RBFOX1: variants seen among roughly 807,000 people sequenced by gnomAD.
RBFOX1 encodes RNA binding fox-1 homolog 1.
Under a neutral mutation model 57.7 loss-of-function variants are expected in RBFOX1, and 8 were observed. That is an observed-to-expected ratio of 0.14 (90% CI 0.08 to 0.25). The LOEUF (loss-of-function observed/expected upper bound fraction) is 0.25. Ranked by LOEUF, RBFOX1 falls within the 10% of genes least tolerant of loss-of-function variation. The pLI, the probability that RBFOX1 is intolerant of heterozygous loss-of-function variation, is 1.00. For missense variants in RBFOX1, 611 were observed against 548.5 expected, an observed-to-expected ratio of 1.11 and a Z score of -1.14; for synonymous variants, 326 against 222.4, an observed-to-expected ratio of 1.47 and a Z score of -4.15.
intron 3 of RBFOX1, among the ~76,000 whole-genome samples, chr16:5,840,424 G>T (rs979776732): frequency 6.6e-6 from 1 of 152,192 alleles, no homozygotes; most frequent in Non-Finnish European, 1.5e-5. Flanking sequence ...GTGCCCCAGA[G>T]GATGCTGTGC....
chr16:7,332,314 T>A (rs1007292286), intron 4 of RBFOX1, among the ~76,000 whole-genome samples: 1 of 152,224 alleles, frequency 6.6e-6, no homozygotes, highest in African/African-American at 2.4e-5. Flanking sequence ...CACGTGTAAA[T>A]AATTTAACTC....
At chr16:5,851,207 C>A (rs545002284) in intron 3 of RBFOX1, among the ~76,000 whole-genome samples, 2 of 152,160 alleles carry the variant, frequency 1.3e-5, no homozygotes, top group Admixed American at 1.3e-4. Flanking sequence ...CATGGTTGTA[C>A]CTTGTATTCC....
At chr16:7,037,476 T>G (rs1285672108) in intron 3 of RBFOX1, among the ~76,000 whole-genome samples, 1 of 152,134 alleles carries the variant, frequency 6.6e-6, no homozygotes, top group Non-Finnish European at 1.5e-5. Context: ...CTGACAATTG[T>G]GATGCTGTCT....
At chr16:7,334,158 G>GT (rs1255926393) in intron 4 of RBFOX1, among the ~76,000 whole-genome samples, 1 of 152,058 alleles carries the variant, frequency 6.6e-6, no homozygotes, top group African/African-American at 2.4e-5. Flanking sequence ...CTTTTGTTAA[G>GT]TGTACGAACC....
intron 3 of RBFOX1, among the ~76,000 whole-genome samples, chr16:5,716,902 C>T (rs1025656301): frequency 6.6e-6 from 1 of 152,190 alleles, no homozygotes; most frequent in East Asian, 1.9e-4. Context: ...CATCCCTGGT[C>T]ACCTGCCTCC....
Position 6,109,960 on chromosome 16 carries a change from C to T in RBFOX1, c.-127+89968C>T, listed in dbSNP as rs1056364879. On this transcript the variant is annotated intron_variant, in intron 1 of 15. Coordinates refer to ENST00000550418, the MANE Select transcript of RBFOX1 (RefSeq NM_018723.4). The stretch of plus-strand genomic sequence containing the variant: ...GGTTTTACTTTTTATGTTTGGAAAT[C>T]ACTTTTTTATGTATCTTGGGTCTCT... Among the ~76,000 whole-genome samples the T allele has an allele frequency of 3.9e-5, 6 of 152,116 alleles. No homozygotes were observed. In the East Asian group the frequency reaches 1.2e-3, roughly 29 times the overall value.
At chr16:7,362,934 T>C (rs1338997133) in intron 4 of RBFOX1, among the ~76,000 whole-genome samples, 1 of 152,194 alleles carries the variant, frequency 6.6e-6, no homozygotes, top group Non-Finnish European at 1.5e-5. Context: ...CACTAGTGTG[T>C]GACCTTGGAC....
intron 4 of RBFOX1, among the ~76,000 whole-genome samples, chr16:7,257,186 T>C (rs763495440): frequency 1.3e-5 from 2 of 152,168 alleles, no homozygotes; most frequent in Non-Finnish European, 2.9e-5. Context: ...GAAAATCTCA[T>C]TAAGACTTAA....
At chr16:7,363,053 G>C (rs146757221) in intron 4 of RBFOX1, among the ~76,000 whole-genome samples, 8 of 152,198 alleles carry the variant, frequency 5.3e-5, no homozygotes, top group African/African-American at 1.9e-4. Flanking sequence ...AAATCACCCA[G>C]TGTGGGGCCT....
At chr16:7,047,520 A>G (rs1396220987) in intron 3 of RBFOX1, among the ~76,000 whole-genome samples, 1 of 151,816 alleles carries the variant, frequency 6.6e-6, no homozygotes, top group East Asian at 1.9e-4. Flanking sequence ...ACTGTGATAT[A>G]TGTGGTTGTG....
chr16:6,355,727 C>G (rs974849092), intron 2 of RBFOX1, among the ~76,000 whole-genome samples: 10 of 152,168 alleles, frequency 6.6e-5, no homozygotes, highest in African/African-American at 2.4e-4. Flanking sequence ...TCCACAATGG[C>G]TGAACTAATT....
At chr16:6,503,355 C>G (rs2095995390) in intron 2 of RBFOX1, among the ~76,000 whole-genome samples, 1 of 152,168 alleles carries the variant, frequency 6.6e-6, no homozygotes, top group African/African-American at 2.4e-5. Context: ...AGTCATAGCA[C>G]TCTTGTTCTT....
At chr16:5,526,387 C>G (rs1032190428) in intron 2 of RBFOX1, among the ~76,000 whole-genome samples, 2 of 152,162 alleles carry the variant, frequency 1.3e-5, no homozygotes, top group African/African-American at 4.8e-5. Context: ...CTCCCGGGGT[C>G]AAGTGATTCT....
chr16:5,482,487 T>C (rs747960686), intron 2 of RBFOX1, among the ~76,000 whole-genome samples: 2 of 152,230 alleles, frequency 1.3e-5, no homozygotes, highest in Admixed American at 1.3e-4. Flanking sequence ...GGCTGCCTGG[T>C]GCAGAAGTCA....
intron 1 of RBFOX1, among the ~76,000 whole-genome samples, chr16:5,317,573 C>T (rs879828793): frequency 2.0e-5 from 3 of 152,144 alleles, no homozygotes; most frequent in African/African-American, 7.2e-5. Context: ...CACGCCGTTG[C>T]ACTCCAGCCT....
intron 3 of RBFOX1, among the ~76,000 whole-genome samples, chr16:6,963,123 G>C (rs889144819): frequency 5.9e-5 from 9 of 152,048 alleles, no homozygotes; most frequent in African/African-American, 2.2e-4. Context: ...TTCACCTCTG[G>C]GTGCAGGACT....
rs1312436368 is a variant in RBFOX1 at position 7,094,216 on chromosome 16, G to T, written c.27+42118G>T. ...GAAAGACATAAGCAAATTAGTTTCT[G>T]TGCAAACTTGTGTCCCCATTCAGAG... On this transcript the variant is annotated intron_variant, in intron 4 of 15. Transcript: ENST00000550418. Among the ~76,000 whole-genome samples, 7 of 151,986 alleles carry T rather than the reference G, an allele frequency of 4.6e-5. No homozygotes were observed. The South Asian group carries it at 1.0e-3, about 23-fold the overall frequency.
In RBFOX1 at chr16:6,723,113, C is replaced by T. The variant is rs566612700; in HGVS notation, c.-16+68463C>T. Among the ~76,000 whole-genome samples, 35 of 152,246 alleles carry T rather than the reference C, an allele frequency of 2.3e-4. No homozygotes were observed. The South Asian group carries it at 7.3e-3, about 32-fold the overall frequency. ...GATGTGGACACCAGAGTTTTCACAA[C>T]GTGTTTGTCTTGGTTGCTGATGCTC... On this transcript the variant is annotated intron_variant, in intron 3 of 15. Coordinates refer to ENST00000550418, the MANE Select transcript of RBFOX1 (RefSeq NM_018723.4).
chr16:7,128,726 C>T (rs1160745917), intron 4 of RBFOX1, among the ~76,000 whole-genome samples: 1 of 151,802 alleles, frequency 6.6e-6, no homozygotes, highest in Non-Finnish European at 1.5e-5. Flanking sequence ...GGAGGATGTT[C>T]ATGGTCATAT....
Sources: allele counts gnomAD v4.1 joint callset (sites outside exome capture counted in the v4.1 genomes callset), GRCh38; gene constraint gnomAD v4.1.1; transcripts MANE v1.5; gene names NCBI Gene and HGNC (gene_info 2026-07-23, HGNC 2026-07-21).